The following DEAF1 variants were observed in gnomAD, a reference collection of about 807,000 sequenced individuals.
The protein encoded by DEAF1 is deformed epidermal autoregulatory factor 1 homolog.
DEAF1 carries 53 observed loss-of-function variants against 58.9 expected under a neutral mutation model. The observed-to-expected ratio is 0.90, with a 90% CI of 0.72 to 1.13. The LOEUF is 1.13. DEAF1 is among the 50% of genes most tolerant of loss of function. The pLI, the probability that DEAF1 is intolerant of heterozygous loss-of-function variation, is 0.00. For synonymous variants in DEAF1, 385 were observed against 340.4 expected, an observed-to-expected ratio of 1.13 and a Z score of -1.44; for missense variants, 685 against 791.4, an observed-to-expected ratio of 0.87 and a Z score of 1.61.
chr11:701,222 C>G (rs1234413577), intron 1 of DEAF1: 4 of 172,996 alleles, frequency 2.3e-5, no homozygotes, highest in Non-Finnish European at 5.0e-5. Flanking sequence ...CTCTGTTGCC[C>G]AGGCTGGAGT....
At chr11:659,856 CAGG>C (rs1360228676) in intron 10 of DEAF1, among the ~76,000 whole-genome samples, 6 of 152,220 alleles carry the variant, frequency 3.9e-5, no homozygotes, top group Non-Finnish European at 8.8e-5. Flanking sequence ...GATGGGGCTT[CAGG>C]AGAACCTGCT....
rs867990602 is a variant in DEAF1 at position 648,024 on chromosome 11, G to C, written c.1594-3370C>G. On this transcript the variant is annotated intron_variant, in intron 11 of 11. Transcript: ENST00000382409. ...GTGGACTTGACCCAGGCGGTGCTGG[G>C]AGCAGGTGGGTGGACTTGACCCAGG... Among the ~76,000 whole-genome samples the C allele has an allele frequency of 9.2e-3, 1,016 of 110,398 alleles. 17 individuals are homozygous for C. Among genetic ancestry groups the C allele is most frequent in the East Asian group, 0.032 (112 of 3,494 alleles). The allele number at this position is 110,398 out of a possible 152,430, so 72.4% of individuals were successfully genotyped here. A position where few individuals can be genotyped will look rare whatever the true frequency, so the allele number is the denominator to read the frequency against.
At chr11:694,654 G>T in intron 1 of DEAF1, 105 bp downstream of exon 1, 1 of 1,102,746 alleles carries the variant, frequency 9.1e-7, no homozygotes, top group Non-Finnish European at 1.2e-6. Flanking sequence ...GCAGGTGTGA[G>T]GGACAGGTGT....
In DEAF1 at chr11:694,134, TG is replaced by T. The variant is rs1218281245; in HGVS notation, c.289+624del. Among the ~76,000 whole-genome samples the T allele has an allele frequency of 2.7e-5, 4 of 150,166 alleles. No homozygotes were observed. In the South Asian group the frequency reaches 8.4e-4, roughly 32 times the overall value. ...CACCCCAGGGCTTCTCCAGGACAGG[TG>T]GGGGGAGCCAGGATGGACGAAGGCA... On this transcript the variant is annotated intron_variant, in intron 1 of 11. Transcript: ENST00000382409.
At position 694,965 on chromosome 11, in the gene DEAF1, GC is replaced by G. The variant is rs1564956950; in HGVS notation, c.82del (p.Ala28ArgfsTer15). 1.8e-6 allele frequency: 2 copies of G among 1,140,546 alleles called. No individual in the cohort carries two copies. Among genetic ancestry groups the G allele is most frequent in the African/African-American group, 3.4e-5 (2 of 59,592 alleles). 70.7% of individuals were successfully genotyped at this position (1,140,546 alleles called of 1,614,324 possible). On this transcript the variant is annotated frameshift_variant, in exon 1 of 12. Transcript: ENST00000382409. LOFTEE classifies it high-confidence loss of function. ...CTCGCCTCCTGCCGCGGCCGCGGCCGCCGCCGCCACAGCGGCCGCGGCCGCC... is the reference window on the plus strand; with the variant it reads ...CTCGCCTCCTGCCGCGGCCGCGGCCGCGCCGCCACAGCGGCCGCGGCCGCC... Reference protein sequence around the residue: ...AVAAAAAVAAAAAAAAGGEAE... With the variant: ...AVAAAAAVAAXAAAAAGGEAE...
At chr11:650,040 C>T (rs1000028810) in intron 11 of DEAF1, among the ~76,000 whole-genome samples, 1 of 140,148 alleles carries the variant, frequency 7.1e-6, no homozygotes, top group African/African-American at 2.6e-5. Flanking sequence ...AAAACAAAAA[C>T]AAAAACAAAA....
intron 10 of DEAF1, among the ~76,000 whole-genome samples, chr11:663,051 G>A (rs1365026614): frequency 1.3e-5 from 2 of 152,342 alleles, no homozygotes; most frequent in African/African-American, 2.4e-5. Context: ...AGGGGCTCAC[G>A]CCTAGAGTCC....
intron 8 of DEAF1, 61 bp from the exon 9 acceptor site, chr11:678,883 T>C: frequency 6.2e-7 from 1 of 1,603,654 alleles, no homozygotes; most frequent in Non-Finnish European, 8.5e-7. Flanking sequence ...AGACTCTAAA[T>C]ATCACGCTGT....
At chr11:678,567 C>T in intron 9 of DEAF1, 127 bp downstream of exon 9, 1 of 1,377,450 alleles carries the variant, frequency 7.3e-7, no homozygotes, top group Non-Finnish European at 1.0e-6. Flanking sequence ...TTACCAGCCA[C>T]TGATCTAATG....
intron 1 of DEAF1, chr11:703,106 G>C (rs150246079): frequency 6.2e-7 from 1 of 1,610,890 alleles, no homozygotes; most frequent in Non-Finnish European, 8.5e-7. Flanking sequence ...TCACGGCCTG[G>C]AGGCCGTCCT....
intron 10 of DEAF1, chr11:654,664 C>T (rs1286776295): frequency 2.2e-6 from 1 of 454,886 alleles, no homozygotes; most frequent in Non-Finnish European, 4.4e-6. Context: ...CACCTGAGGT[C>T]AGGAGTTCAG....
chr11:666,640 G>A (rs577671724), intron 10 of DEAF1: 2 of 152,398 alleles, frequency 1.3e-5, no homozygotes, highest in African/African-American at 2.4e-5. Context: ...GGGAGGCAGA[G>A]GTTGCAGTGA....
At chr11:694,650 G>A in intron 1 of DEAF1, 109 bp downstream of exon 1, 5 of 1,077,736 alleles carry the variant, frequency 4.6e-6, no homozygotes, top group Non-Finnish European at 4.8e-6. Flanking sequence ...TGGAGCAGGT[G>A]TGAGGGACAG....
At chr11:667,898 G>T (rs1859628170) in intron 10 of DEAF1, among the ~76,000 whole-genome samples, 1 of 152,268 alleles carries the variant, frequency 6.6e-6, no homozygotes, top group African/African-American at 2.4e-5. Flanking sequence ...GATCACTTGA[G>T]CCCAGGAGTT....
At chr11:685,095 T>TTC (rs1554943917) in intron 5 of DEAF1, 132 bp from the exon 6 acceptor site, 2 of 816,392 alleles carry the variant, frequency 2.4e-6, no homozygotes, top group Non-Finnish European at 3.8e-6. Flanking sequence ...TTTTTTTTTT[T>TTC]TTTTTTTGAG....
In DEAF1 at chr11:691,540, C is replaced by T. The variant is rs762223267; in HGVS notation, c.348G>A (p.Thr116=). ...AGATGGATGCCGCGTTCGCCACAGA[C>T]GTGGTGAAGACATTGTCTGCAGCAG... is the stretch of plus-strand genomic sequence containing the variant. ...VGAAADNVFT[T]SVANAASISG... Residue 116 remains threonine, a synonymous_variant, in exon 2 of 12, where the codon ACG becomes ACA. Transcript: ENST00000382409. 18 of 1,613,576 alleles carry T rather than the reference C, an allele frequency of 1.1e-5. No homozygotes were observed. The highest frequency in any genetic ancestry group is 6.7e-5 in the African/African-American group (5 of 74,924).
chr11:695,907 G>A, upstream of DEAF1: 10 of 1,187,576 alleles, frequency 8.4e-6, no homozygotes, highest in Non-Finnish European at 1.1e-5. Context: ...GTTTCCCTGT[G>A]GTGACAATCC....
At chr11:706,056 G>C (rs1480565633) in intron 1 of DEAF1, 2 of 152,160 alleles carry the variant, frequency 1.3e-5, no homozygotes, top group Non-Finnish European at 2.9e-5. Context: ...AGCTGGGTCC[G>C]AGGCCGGCGG....
intron 5 of DEAF1, 158 bp from the exon 6 acceptor site, chr11:685,121 G>A (rs1344621964): frequency 9.5e-6 from 6 of 629,396 alleles, no homozygotes; most frequent in African/African-American, 6.2e-5. Flanking sequence ...GTCTTGTTGG[G>A]TTGCCCAGGC....
Sources: gnomAD v4.1 joint callset for allele counts (sites outside exome capture counted in the v4.1 genomes callset) on GRCh38, gnomAD v4.1.1 for gene constraint, MANE v1.5 for transcripts, NCBI Gene and HGNC (gene_info 2026-07-23, HGNC 2026-07-21) for gene names.